The following CADM2 variants were observed in gnomAD, a reference collection of about 807,000 sequenced individuals.
The protein encoded by CADM2 is immunoglobulin superfamily member 4D.
In CADM2, 12 loss-of-function variants were observed where a neutral mutation model predicts 49.8. The ratio of observed to expected loss-of-function variants is 0.24; its 90% CI spans 0.15 to 0.39. The LOEUF is 0.39. Among genes scored for constraint, CADM2 ranks in the 10% least tolerant of loss-of-function variants. The pLI, the probability that CADM2 is intolerant of heterozygous loss-of-function variation, is 1.00. For missense variants in CADM2, 378 were observed against 492.3 expected, an observed-to-expected ratio of 0.77 and a Z score of 2.20; for synonymous variants, 214 against 175.4, an observed-to-expected ratio of 1.22 and a Z score of -1.74.
intron 1 of CADM2, among the ~76,000 whole-genome samples, chr3:85,402,346 TA>T (rs2035155450): frequency 6.6e-6 from 1 of 152,048 alleles, no homozygotes; most frequent in Non-Finnish European, 1.5e-5. Context: ...ATATTTAAGT[TA>T]TACATAATTC....
chr3:85,662,434 A>T (rs141849333), intron 1 of CADM2, among the ~76,000 whole-genome samples: 82 of 152,102 alleles, frequency 5.4e-4, no homozygotes, highest in African/African-American at 1.9e-3. Flanking sequence ...CCTTTCCAAT[A>T]TAGCCTCCAA....
At chr3:85,973,037 G>A (rs149444326) in intron 8 of CADM2, among the ~76,000 whole-genome samples, 242 of 151,718 alleles carry the variant, frequency 1.6e-3, no homozygotes, top group African/African-American at 5.7e-3. Flanking sequence ...CCTTTAGACT[G>A]GAAGACTCTT....
At chr3:85,972,062 G>A (rs541421013) in intron 8 of CADM2, among the ~76,000 whole-genome samples, 10 of 151,682 alleles carry the variant, frequency 6.6e-5, no homozygotes, top group Non-Finnish European at 1.0e-4. Context: ...AGGAGGAGGC[G>A]TGTACTGGTG....
chr3:85,008,584 G>A (rs906644321), intron 1 of CADM2, among the ~76,000 whole-genome samples: 2 of 151,706 alleles, frequency 1.3e-5, no homozygotes, highest in African/African-American at 2.4e-5. Flanking sequence ...AAGTAGGAAC[G>A]GAGAAGAGAC....
chr3:85,953,720 A>G (rs1201875253), intron 7 of CADM2, among the ~76,000 whole-genome samples: 1 of 150,930 alleles, frequency 6.6e-6, no homozygotes, highest in Non-Finnish European at 1.5e-5. Flanking sequence ...TTTTTTATAC[A>G]CCTCACAATC....
chr3:85,753,027 A>G (rs1443216153), intron 2 of CADM2, among the ~76,000 whole-genome samples: 1 of 152,060 alleles, frequency 6.6e-6, no homozygotes, highest in Non-Finnish European at 1.5e-5. Context: ...TATTTTTGTC[A>G]TGCAGCTGCA....
At chr3:85,849,432 A>C (rs556032868) in intron 3 of CADM2, among the ~76,000 whole-genome samples, 1 of 152,324 alleles carries the variant, frequency 6.6e-6, no homozygotes, top group East Asian at 1.9e-4. Flanking sequence ...TCTAAATAAA[A>C]ACCACCATTC....
At chr3:85,491,916 C>A (rs6786958) in intron 1 of CADM2, among the ~76,000 whole-genome samples, 31,254 of 150,026 alleles carry the variant, frequency 0.21, 3,839 homozygotes, top group East Asian at 0.3. Context: ...CGCGCCACTG[C>A]ACTCCAGCCT....
At chr3:85,540,083 C>T (rs929179932) in intron 1 of CADM2, among the ~76,000 whole-genome samples, 2 of 151,954 alleles carry the variant, frequency 1.3e-5, no homozygotes, top group African/African-American at 2.4e-5. Context: ...CCCGTAAGTG[C>T]GATTTTAATG....
chr3:84,997,356 C>G (rs1019550063), intron 1 of CADM2, among the ~76,000 whole-genome samples: 1 of 152,016 alleles, frequency 6.6e-6, no homozygotes, highest in Non-Finnish European at 1.5e-5. Flanking sequence ...TAACAAATAT[C>G]TTAACTTTTG....
At chr3:85,285,205 A>G (rs1198316066) in intron 1 of CADM2, among the ~76,000 whole-genome samples, 2 of 152,096 alleles carry the variant, frequency 1.3e-5, no homozygotes, top group Non-Finnish European at 2.9e-5. Flanking sequence ...TCCACACCCA[A>G]ATGGAAATAT....
intron 1 of CADM2, among the ~76,000 whole-genome samples, chr3:85,261,974 T>G: frequency 6.6e-6 from 1 of 152,084 alleles, no homozygotes; most frequent in Admixed American, 6.6e-5. Flanking sequence ...AATAATTCTC[T>G]TTAGGTGAGA....
intron 1 of CADM2, among the ~76,000 whole-genome samples, chr3:85,424,170 T>C (rs1231396895): frequency 1.3e-5 from 2 of 152,144 alleles, no homozygotes; most frequent in African/African-American, 4.8e-5. Flanking sequence ...AATTTTTAAA[T>C]AAATTCATTT....
chr3:85,055,383 C>CAT (rs1576125763), intron 1 of CADM2, among the ~76,000 whole-genome samples: 4 of 151,964 alleles, frequency 2.6e-5, no homozygotes, highest in Non-Finnish European at 4.4e-5. Flanking sequence ...TGTTTTCAGA[C>CAT]ATATCATCAA....
At chr3:85,694,065 T>C (rs1018763954) in intron 1 of CADM2, among the ~76,000 whole-genome samples, 1 of 152,296 alleles carries the variant, frequency 6.6e-6, no homozygotes, top group African/African-American at 2.4e-5. Flanking sequence ...CCTTTGACTT[T>C]TTAGCACTTT....
At chr3:85,374,373 A>G (rs2033461820) in intron 1 of CADM2, among the ~76,000 whole-genome samples, 1 of 152,034 alleles carries the variant, frequency 6.6e-6, no homozygotes, top group Admixed American at 6.6e-5. Flanking sequence ...GTTCCCAATA[A>G]GTTTCTCATC....
chr3:85,484,944 T>A (rs1308881110), intron 1 of CADM2, among the ~76,000 whole-genome samples: 1 of 151,918 alleles, frequency 6.6e-6, no homozygotes, highest in African/African-American at 2.4e-5. Flanking sequence ...TTTGCCAGTG[T>A]AGCACAGTAA....
At chr3:85,676,812 C>T (rs1163369166) in intron 1 of CADM2, among the ~76,000 whole-genome samples, 1 of 152,144 alleles carries the variant, frequency 6.6e-6, no homozygotes, top group Non-Finnish European at 1.5e-5. Context: ...ACTTCTTTGT[C>T]ATCCTGTTCT....
intron 1 of CADM2, among the ~76,000 whole-genome samples, chr3:84,987,058 C>A (rs544955496): frequency 6.7e-6 from 1 of 150,366 alleles, no homozygotes; most frequent in Admixed American, 6.6e-5. Context: ...GTCTCAAAAA[C>A]AAAACAAAAC....
Sources: gnomAD v4.1 joint callset for allele counts (sites outside exome capture counted in the v4.1 genomes callset) on GRCh38, gnomAD v4.1.1 for gene constraint, MANE v1.5 for transcripts, NCBI Gene and HGNC (gene_info 2026-07-23, HGNC 2026-07-21) for gene names.